Variants in PDE1C observed in about 807,000 individuals in gnomAD.
The protein encoded by PDE1C is phosphodiesterase 1C.
A neutral mutation model predicts 93.1 loss-of-function variants in PDE1C; 62 were observed. The observed-to-expected ratio is 0.67, with a 90% CI of 0.54 to 0.82. PDE1C has a LOEUF of 0.82. Among genes scored for constraint, PDE1C ranks in the 40% least tolerant of loss-of-function variants. PDE1C has a pLI of 0.00. For synonymous variants in PDE1C, 325 were observed against 310.1 expected (o/e 1.05, Z -0.50); for missense variants, 742 against 884.6 (o/e 0.84, Z 2.04).
the PDE1C span, chr7:31,686,616 C>G: frequency 6.6e-6 from 1 of 152,158 alleles, no homozygotes; most frequent in African/African-American, 2.4e-5. Context: ...GTGGGGAGAC[C>G]TTGGTCAGAT....
At chr7:32,235,240 T>C (rs1311508159) in intron 1 of PDE1C, among the ~76,000 whole-genome samples, 2 of 151,838 alleles carry the variant, frequency 1.3e-5, no homozygotes, top group Non-Finnish European at 1.5e-5. Context: ...ACCACACCTA[T>C]TCAACATCAT....
downstream of PDE1C, among the ~76,000 whole-genome samples, chr7:31,748,478 C>T (rs1026702488): frequency 6.6e-6 from 1 of 152,156 alleles, no homozygotes; most frequent in African/African-American, 2.4e-5. Flanking sequence ...CCAAGTTGAA[C>T]ATTATGAGTT....
At chr7:32,385,595 G>A (rs747359122) in intron 1 of PDE1C, among the ~76,000 whole-genome samples, 6 of 152,068 alleles carry the variant, frequency 3.9e-5, no homozygotes, top group Non-Finnish European at 7.4e-5. Context: ...TTTTTGTTCC[G>A]CTGAAATCCA....
At chr7:31,911,161 T>TA (rs1430181080) in intron 2 of PDE1C, among the ~76,000 whole-genome samples, 1 of 152,212 alleles carries the variant, frequency 6.6e-6, no homozygotes, top group Non-Finnish European at 1.5e-5. Context: ...TCTGATATAC[T>TA]ATATGATGGT....
chr7:32,057,056 C>G (rs923230973), intron 1 of PDE1C, among the ~76,000 whole-genome samples: 1 of 152,048 alleles, frequency 6.6e-6, no homozygotes, highest in African/African-American at 2.4e-5. Context: ...GAGCCATTGC[C>G]CAAAAGGCAG....
At chr7:32,171,991 T>C (rs1802685170) in intron 2 of PDE1C, among the ~76,000 whole-genome samples, 2 of 151,076 alleles carry the variant, frequency 1.3e-5, no homozygotes, top group South Asian at 2.1e-4. Context: ...TATATTATCT[T>C]TGTAATTTTT....
At chr7:31,900,417 T>TC (rs900253549) in intron 2 of PDE1C, among the ~76,000 whole-genome samples, 38 of 144,160 alleles carry the variant, frequency 2.6e-4, no homozygotes, top group Non-Finnish European at 5.3e-4. Context: ...CTGGCTACCT[T>TC]TTTTTTTTTT....
At chr7:31,631,822 T>C in the PDE1C span, among the ~76,000 whole-genome samples, 16 of 152,238 alleles carry the variant, frequency 1.1e-4, no homozygotes, top group Admixed American at 7.9e-4. Context: ...ACTTTTGGCA[T>C]AGAAAAATAA....
At chr7:32,201,725 C>T (rs2128830558) in intron 2 of PDE1C, among the ~76,000 whole-genome samples, 1 of 152,240 alleles carries the variant, frequency 6.6e-6, no homozygotes, top group East Asian at 1.9e-4. Context: ...GCAGCATGGG[C>T]AAAGCAGTCT....
intron 2 of PDE1C, among the ~76,000 whole-genome samples, chr7:31,962,700 A>G (rs1023299057): frequency 6.6e-6 from 1 of 152,218 alleles, no homozygotes; most frequent in African/African-American, 2.4e-5. Flanking sequence ...TGGACACAGA[A>G]CATCACCAAA....
intron 2 of PDE1C, among the ~76,000 whole-genome samples, chr7:31,889,925 C>A (rs1274432136): frequency 6.6e-6 from 1 of 152,108 alleles, no homozygotes; most frequent in Non-Finnish European, 1.5e-5. Context: ...TCTTAAAAAC[C>A]AGTTTATCCC....
intron 15 of PDE1C, among the ~76,000 whole-genome samples, chr7:31,809,982 A>G (rs1189265149): frequency 6.6e-6 from 1 of 152,110 alleles, no homozygotes; most frequent in Non-Finnish European, 1.5e-5. Flanking sequence ...TTCTTGAAAC[A>G]TGGCCACACT....
intron 2 of PDE1C, among the ~76,000 whole-genome samples, chr7:31,905,444 T>G (rs959116376): frequency 7.9e-5 from 12 of 152,194 alleles, no homozygotes; most frequent in Admixed American, 7.9e-4. Context: ...TACCTTTTCT[T>G]GCAGGATTAT....
chr7:31,990,380 G>C (rs565052018), intron 2 of PDE1C, among the ~76,000 whole-genome samples: 1 of 151,996 alleles, frequency 6.6e-6, no homozygotes. Flanking sequence ...TTCGCCTTCC[G>C]CCATGATTGT....
chr7:32,174,214 A>G (rs565526903), intron 2 of PDE1C, among the ~76,000 whole-genome samples: 1 of 152,272 alleles, frequency 6.6e-6, no homozygotes, highest in East Asian at 1.9e-4. Flanking sequence ...GCCTTACAAA[A>G]AAGTTCCTGC....
In PDE1C at chr7:32,187,460, G is replaced by A. The variant is rs188482467; in HGVS notation, c.137-17504C>T. The stretch of plus-strand genomic sequence containing the variant: ...CTCTACTCACTTTTACTAATATTAT[G>A]TGAATTTTTAGATATTTTGCTAAAT... On this transcript the variant is annotated intron_variant, in intron 2 of 18. Transcript: ENST00000396193. 1.5e-4 allele frequency among the ~76,000 whole-genome samples: 23 copies of A among 152,084 alleles called. No homozygotes were observed. The East Asian group carries it at 1.7e-3, about 11-fold the overall frequency.
chr7:32,089,480 C>T (rs889371015), intron 3 of PDE1C, among the ~76,000 whole-genome samples: 1 of 152,114 alleles, frequency 6.6e-6, no homozygotes, highest in African/African-American at 2.4e-5. Context: ...TTACCAACCA[C>T]GTCAAGCTAT....
intron 2 of PDE1C, among the ~76,000 whole-genome samples, chr7:31,906,941 T>C (rs1194527784): frequency 6.6e-6 from 1 of 152,154 alleles, no homozygotes; most frequent in Non-Finnish European, 1.5e-5. Flanking sequence ...CGAATGCACG[T>C]GTGTATATAC....
intron 3 of PDE1C, chr7:32,077,900 C>T: frequency 3.0e-6 from 3 of 985,294 alleles, no homozygotes; most frequent in Non-Finnish European, 3.6e-6. Context: ...GGTGAAGGTC[C>T]AAGAAGTCTG....
Sources: allele counts gnomAD v4.1 joint callset (sites outside exome capture counted in the v4.1 genomes callset), GRCh38; gene constraint gnomAD v4.1.1; transcripts MANE v1.5; gene names NCBI Gene and HGNC (gene_info 2026-07-23, HGNC 2026-07-21).